C14orf39: variants seen among roughly 807,000 people sequenced by gnomAD.
C14orf39 encodes the protein chromosome 14 open reading frame 39.
A neutral mutation model predicts 85.6 loss-of-function variants in C14orf39; 66 were observed. The observed-to-expected ratio is 0.77, with a 90% CI of 0.63 to 0.95. The LOEUF (loss-of-function observed/expected upper bound fraction) is 0.95, where lower values mean the gene tolerates loss of function less well. Among genes scored for constraint, C14orf39 ranks in the 40% least tolerant of loss-of-function variants. The pLI is 0.00. For missense variants in C14orf39, 735 were observed against 663.9 expected, an observed-to-expected ratio of 1.11 and a Z score of -1.18; for synonymous variants, 242 against 214.0, an observed-to-expected ratio of 1.13 and a Z score of -1.14.
intron 1 of C14orf39, chr14:60,512,277 G>A (rs1893306226): frequency 6.6e-6 from 1 of 152,066 alleles, no homozygotes; most frequent in African/African-American, 2.4e-5. Flanking sequence ...AAACTATCCT[G>A]ACTCAGGCTC....
At chr14:60,507,182 AC>A (rs1893215025) in intron 1 of C14orf39, among the ~76,000 whole-genome samples, 1 of 151,718 alleles carries the variant, frequency 6.6e-6, no homozygotes, top group African/African-American at 2.4e-5. Context: ...CAAAGTAACC[AC>A]CCCGAGAGGG....
Position 60,458,699 on chromosome 14 carries a change from TCTTA to T in C14orf39, c.1154_1157del (p.Val385GlufsTer19), listed in dbSNP as rs773386860. On this transcript the variant is annotated frameshift_variant, in exon 14 of 18. Transcript: ENST00000321731. LOFTEE classifies it high-confidence loss of function. ...TTACTTGTGAAGTACATTTTGATTC[TCTTA>T]CTTGTCTTACTGTCCCTTTATCTCC... is the stretch of plus-strand genomic sequence containing the variant. The T allele has an allele frequency of 2.2e-5, 35 of 1,602,936 alleles. No homozygotes were observed. The highest frequency in any genetic ancestry group is 2.9e-5 in the Non-Finnish European group (34 of 1,174,206).
intron 17 of C14orf39, among the ~76,000 whole-genome samples, chr14:60,440,709 T>C (rs1402906453): frequency 2.0e-5 from 3 of 152,166 alleles, no homozygotes; most frequent in Non-Finnish European, 4.4e-5. Context: ...CCTAAGTCCT[T>C]AATGATCTAC....
intron 1 of C14orf39, chr14:60,511,222 C>G (rs1462321963): frequency 3.7e-6 from 6 of 1,613,394 alleles, no homozygotes; most frequent in Non-Finnish European, 5.1e-6. Context: ...CCATCTCCAT[C>G]ACGTCCAGCG....
chr14:60,478,184 A>AAAAAAAAAAAAG (rs1892482794), intron 5 of C14orf39, 116 bp downstream of exon 5: 2 of 209,100 alleles, frequency 9.6e-6, no homozygotes, highest in African/African-American at 4.6e-5. Context: ...ATCTCAAAAA[A>AAAAAAAAAAAAG]AAAAAAAGAA....
In C14orf39 at chr14:60,509,419, G is replaced by A. The variant is rs61746410; in HGVS notation, c.-144+5976C>T. 46,245 of 1,599,486 alleles carry A rather than the reference G, an allele frequency of 0.029. 756 individuals carry two copies. Among genetic ancestry groups the A allele is most frequent in the Non-Finnish European group, 0.034 (40,308 of 1,179,886 alleles). ...CCTCGATGTTCCAGCTGCCCATCTTGAATTTCAGCCCCCAGCAAGTGGCCG... is the reference window on the plus strand; with the variant it reads ...CCTCGATGTTCCAGCTGCCCATCTTAAATTTCAGCCCCCAGCAAGTGGCCG... On this transcript the variant is annotated intron_variant, in intron 1 of 5. Coordinates refer to the C14orf39 transcript ENST00000556799.
At position 60,471,588 on chromosome 14, in the gene C14orf39, A is replaced by G. The variant is rs1892080880; in HGVS notation, c.475T>C (p.Leu159=). 1.3e-6 allele frequency: 2 copies of G among 1,597,090 alleles called. No individual in the cohort carries two copies. The highest frequency in any genetic ancestry group is 1.7e-6 in the Non-Finnish European group (2 of 1,174,922). ...QSRVLACTEQ[L]KMNETIFMKF... ...ATAAAAATTGTTTCATTCATTTTTA[A>G]TTGTTCAGTACATGCCAACACTCTG... Residue 159 remains leucine (L), a synonymous_variant, in exon 6 of 18, where the codon TTA becomes CTA. Transcript: ENST00000321731.
chr14:60,450,273 C>T (rs1355007294), intron 16 of C14orf39, among the ~76,000 whole-genome samples: 1 of 152,146 alleles, frequency 6.6e-6, no homozygotes, highest in East Asian at 1.9e-4. Flanking sequence ...TGGACCTTCC[C>T]TGGGCCAGAG....
chr14:60,473,269 A>T (rs1168437738), intron 5 of C14orf39, among the ~76,000 whole-genome samples: 1 of 151,944 alleles, frequency 6.6e-6, no homozygotes, highest in Non-Finnish European at 1.5e-5. Flanking sequence ...TTTTCTTATA[A>T]ATTTGTTTAA....
intron 1 of C14orf39, among the ~76,000 whole-genome samples, chr14:60,510,128 C>A (rs1355610125): frequency 6.6e-6 from 1 of 152,172 alleles, no homozygotes; most frequent in Non-Finnish European, 1.5e-5. Context: ...GGCTCCTGGC[C>A]GGGAGTTCCC....
chr14:60,465,010 A>C (rs149835283), intron 11 of C14orf39, among the ~76,000 whole-genome samples: 23 of 152,122 alleles, frequency 1.5e-4, no homozygotes, highest in Admixed American at 1.5e-3. Flanking sequence ...TCTGGTGGTT[A>C]CCCTTAAATG....
intron 1 of C14orf39, 140 bp from the exon 2 acceptor site, chr14:60,485,226 C>T: frequency 2.8e-6 from 2 of 706,892 alleles, no homozygotes; most frequent in Middle Eastern, 4.0e-4. Context: ...GAGAGGCCCC[C>T]TTGAGCCCAT....
chr14:60,450,178 T>C (rs558645081), intron 16 of C14orf39, among the ~76,000 whole-genome samples: 2 of 152,296 alleles, frequency 1.3e-5, no homozygotes, highest in Admixed American at 1.3e-4. Flanking sequence ...TCTTGCACAC[T>C]AGGTACCAGC....
chr14:60,469,737 T>C (rs1891981286), intron 7 of C14orf39, 84 bp from the exon 8 acceptor site: 1 of 630,884 alleles, frequency 1.6e-6, no homozygotes, highest in East Asian at 3.8e-5. Context: ...TAATATTATG[T>C]GACATCATTT....
intron 1 of C14orf39, chr14:60,512,229 T>C (rs1372862857): frequency 6.6e-6 from 1 of 152,200 alleles, no homozygotes; most frequent in African/African-American, 2.4e-5. Context: ...AGCCAAACTA[T>C]GGGACTCAAT....
At chr14:60,480,727 T>A (rs1347818150) in intron 4 of C14orf39, among the ~76,000 whole-genome samples, 1 of 152,062 alleles carries the variant, frequency 6.6e-6, no homozygotes, top group Non-Finnish European at 1.5e-5. Flanking sequence ...AGATGATGGA[T>A]AATGAAAGTG....
chr14:60,465,850 TAACACACACACACACACACACA>T, intron 11 of C14orf39, 107 bp downstream of exon 11: 1 of 303,898 alleles, frequency 3.3e-6, no homozygotes, highest in Non-Finnish European at 5.6e-6. Flanking sequence ...AATAAATTTA[TAACACACACACACACACACACA>T]CACACACACA....
rs1429265123 is a variant in C14orf39, at chr14:60,436,975, G to A, written c.1634C>T (p.Thr545Ile). The A allele has an allele frequency of 1.2e-6, 2 of 1,613,046 alleles. No individual in the cohort carries two copies. The highest frequency in any genetic ancestry group is 8.5e-7 in the Non-Finnish European group (1 of 1,179,350). ...AAAATCATCTTTTCCAGCTCCAAAT[G>A]TATGAGTTGAAGTGTCTGATGGAAA... ...FSFPSDTSTH[T>I]FGAGKDDFSF... The change falls in exon 18 of 18, where the codon ACA (threonine) becomes ATA (isoleucine). Residue 545 changes from threonine (T) to isoleucine (I), a missense_variant. By Grantham distance (89) the Thr-to-Ile change is moderately conservative (BLOSUM62 -1). Coordinates refer to ENST00000321731, the MANE Select transcript of C14orf39 (RefSeq NM_174978.3).
intron 9 of C14orf39, 84 bp from the exon 10 acceptor site, chr14:60,467,128 T>A (rs116865165): frequency 1.6e-6 from 1 of 630,604 alleles, no homozygotes; most frequent in African/African-American, 1.9e-5. Context: ...TTAGATACTA[T>A]ATAATAAAAC....
Sources: gnomAD v4.1 joint callset for allele counts (sites outside exome capture counted in the v4.1 genomes callset) on GRCh38, gnomAD v4.1.1 for gene constraint, MANE v1.5 for transcripts, NCBI Gene and HGNC (gene_info 2026-07-23, HGNC 2026-07-21) for gene names.